The following PHKB variants were observed in gnomAD, a reference collection of about 807,000 sequenced individuals.
The protein encoded by PHKB is phosphorylase b kinase regulatory subunit beta.
In PHKB, 122 loss-of-function variants were observed where a neutral mutation model predicts 152.1. The ratio of observed to expected loss-of-function variants is 0.80; its 90% CI spans 0.69 to 0.93. PHKB has a LOEUF of 0.93. PHKB is among the 40% of genes least tolerant of loss of function. PHKB has a pLI of 0.00. For synonymous variants in PHKB, 436 were observed against 464.9 expected, an observed-to-expected ratio of 0.94 and a Z score of 0.80; for missense variants, 1,304 against 1,328.4, an observed-to-expected ratio of 0.98 and a Z score of 0.29.
chr16:47,461,506 T>TG, intron 1 of PHKB, 80 bp downstream of exon 1: 1 of 1,417,184 alleles, frequency 7.1e-7, no homozygotes, highest in Middle Eastern at 2.0e-4. Flanking sequence ...GGGAGGCAGG[T>TG]GGGGGCCCTG....
intron 7 of PHKB, among the ~76,000 whole-genome samples, chr16:47,575,285 A>T (rs953801293): frequency 3.3e-5 from 5 of 152,232 alleles, no homozygotes; most frequent in Non-Finnish European, 7.3e-5. Context: ...TATGGAAAAC[A>T]GTATGGAGGT....
At chr16:47,481,616 C>G (rs1347016224) in intron 1 of PHKB, among the ~76,000 whole-genome samples, 1 of 152,126 alleles carries the variant, frequency 6.6e-6, no homozygotes, top group African/African-American at 2.4e-5. Flanking sequence ...CACATTGTGC[C>G]CCAGTCCTGT....
chr16:47,606,049 A>G (rs1165054713), intron 13 of PHKB, among the ~76,000 whole-genome samples: 1 of 152,348 alleles, frequency 6.6e-6, no homozygotes, highest in East Asian at 1.9e-4. Context: ...TACTTAAAAC[A>G]ATGCCTGGAG....
chr16:47,519,792 T>A (rs1014553591), intron 6 of PHKB, among the ~76,000 whole-genome samples: 1 of 152,220 alleles, frequency 6.6e-6, no homozygotes, highest in African/African-American at 2.4e-5. Flanking sequence ...CAGCCTGCTA[T>A]TTTTAGCAGT....
At chr16:47,554,640 G>A (rs1182396905) in intron 7 of PHKB, among the ~76,000 whole-genome samples, 2 of 152,208 alleles carry the variant, frequency 1.3e-5, no homozygotes, top group Non-Finnish European at 2.9e-5. Flanking sequence ...CCAGGGCCCT[G>A]GTGGTGTAGG....
At chr16:47,666,969 T>C (rs748746127) in intron 25 of PHKB, among the ~76,000 whole-genome samples, 3 of 152,204 alleles carry the variant, frequency 2.0e-5, no homozygotes, top group Non-Finnish European at 4.4e-5. Context: ...TAATATGAAG[T>C]ATTTTAACTC....
chr16:47,678,565 CTT>C (rs1202862431), intron 26 of PHKB, among the ~76,000 whole-genome samples: 9 of 152,044 alleles, frequency 5.9e-5, no homozygotes, highest in Admixed American at 5.9e-4. Flanking sequence ...GCATAAATGT[CTT>C]CTTTTGAGAA....
chr16:47,570,161 T>G (rs774414470), intron 7 of PHKB, among the ~76,000 whole-genome samples: 37 of 152,244 alleles, frequency 2.4e-4, no homozygotes, highest in Non-Finnish European at 5.4e-4. Context: ...GTTAGTCTGA[T>G]AGTTTTTCCT....
chr16:47,571,463 A>C (rs1415043220), intron 7 of PHKB, among the ~76,000 whole-genome samples: 1 of 151,814 alleles, frequency 6.6e-6, no homozygotes, highest in Non-Finnish European at 1.5e-5. Flanking sequence ...CAGGAAAGCA[A>C]CCTCCCTGTC....
intron 14 of PHKB, among the ~76,000 whole-genome samples, chr16:47,639,035 G>A (rs570424790): frequency 6.6e-6 from 1 of 152,256 alleles, no homozygotes; most frequent in African/African-American, 2.4e-5. Flanking sequence ...AACACTTTGG[G>A]AGGCCAGTGT....
chr16:47,679,122 T>G (rs1233172263), intron 26 of PHKB, among the ~76,000 whole-genome samples: 11 of 152,184 alleles, frequency 7.2e-5, no homozygotes, highest in Non-Finnish European at 1.6e-4. Context: ...TCTGTTCCAT[T>G]GGTCTATATC....
At chr16:47,616,507 G>A (rs1267533116) in intron 14 of PHKB, among the ~76,000 whole-genome samples, 1 of 142,416 alleles carries the variant, frequency 7.0e-6, no homozygotes. Context: ...ATATTTATAT[G>A]TAAATATAAA....
intron 1 of PHKB, among the ~76,000 whole-genome samples, chr16:47,494,265 G>GCA (rs1970197380): frequency 1.3e-5 from 2 of 152,322 alleles, no homozygotes; most frequent in African/African-American, 4.8e-5. Flanking sequence ...CTAAATCTAT[G>GCA]TGGAAGCATA....
At position 47,652,519 on chromosome 16, in the gene PHKB, T is replaced by TA. The variant is rs377248035; in HGVS notation, c.1971+1600dup. On this transcript the variant is annotated intron_variant, in intron 20 of 30. Transcript: ENST00000323584. The stretch of plus-strand genomic sequence containing the variant: ...ATTGACATTCCCACCAAACAGTGTA[T>TA]AACATTCCCTTTTCTCTACAGCTTC... Among the ~76,000 whole-genome samples the TA allele has an allele frequency of 5.1e-3, 772 of 152,130 alleles. 10 individuals are homozygous for TA. The highest frequency in any genetic ancestry group is 0.018 in the African/African-American group (734 of 41,510).
At chr16:47,582,339 A>G (rs987702196) in intron 8 of PHKB, among the ~76,000 whole-genome samples, 3 of 152,188 alleles carry the variant, frequency 2.0e-5, no homozygotes, top group Admixed American at 2.0e-4. Flanking sequence ...CATACAAGCT[A>G]CATTTCCTAA....
At chr16:47,649,339 C>A in intron 18 of PHKB, 135 bp downstream of exon 18, 1 of 705,126 alleles carries the variant, frequency 1.4e-6, no homozygotes. Flanking sequence ...GTAAAACCAC[C>A]TGCATAGCTT....
chr16:47,502,968 C>T (rs749722460), intron 3 of PHKB, 23 bp from the exon 4 acceptor site: 22 of 1,481,828 alleles, frequency 1.5e-5, no homozygotes. Context: ...CAATTAGTTT[C>T]ATGAGTTATC....
chr16:47,558,904 C>G (rs1428458142), intron 7 of PHKB, among the ~76,000 whole-genome samples: 1 of 152,194 alleles, frequency 6.6e-6, no homozygotes, highest in African/African-American at 2.4e-5. Flanking sequence ...CATCCCATAG[C>G]TGTTTTTTTA....
At chr16:47,683,978 T>TA (rs1203120494) in intron 26 of PHKB, among the ~76,000 whole-genome samples, 2 of 151,824 alleles carry the variant, frequency 1.3e-5, no homozygotes, top group South Asian at 2.1e-4. Flanking sequence ...AATGATTATT[T>TA]AAAAAAAATT....
Sources: gnomAD v4.1 joint callset for allele counts (sites outside exome capture counted in the v4.1 genomes callset) on GRCh38, gnomAD v4.1.1 for gene constraint, MANE v1.5 for transcripts, NCBI Gene and HGNC (gene_info 2026-07-23, HGNC 2026-07-21) for gene names.